The following TBR1 variants were observed in gnomAD, a reference collection of about 807,000 sequenced individuals.
The protein encoded by TBR1 is T-box brain protein 1.
TBR1 carries 7 observed loss-of-function variants against 60.3 expected under a neutral mutation model. That is an observed-to-expected ratio of 0.12 (90% CI 0.07 to 0.22). The LOEUF (loss-of-function observed/expected upper bound fraction) is 0.22. Among genes scored for constraint, TBR1 ranks in the 10% least tolerant of loss-of-function variants. TBR1 has a pLI of 1.00. For synonymous variants in TBR1, 417 were observed against 409.9 expected, an observed-to-expected ratio of 1.02 and a Z score of -0.21; for missense variants, 616 against 936.8, an observed-to-expected ratio of 0.66 and a Z score of 4.47.
intron 5 of TBR1, chr2:161,423,098 G>A (rs765734821): frequency 2.2e-5 from 8 of 355,640 alleles, no homozygotes; most frequent in Non-Finnish European, 4.0e-5. Flanking sequence ...GAGAGCAAGA[G>A]AAGAGGGAAG....
Position 161,423,941 on chromosome 2 carries a change from G to A in TBR1, c.1763G>A (p.Gly588Asp). The A allele has an allele frequency of 6.5e-7, 1 of 1,543,992 alleles. No individual in the cohort carries two copies. The highest frequency in any genetic ancestry group is 8.7e-7 in the Non-Finnish European group (1 of 1,144,008). The change falls in exon 6 of 6, where the codon GGC becomes GAC. Residue 588 changes from glycine to aspartate, a missense_variant. Physicochemically the swap from Gly to Asp is moderately conservative, Grantham distance 94. This residue lies in a region of TBR1 where 210 missense variants were observed against 297.4 expected (regional missense o/e 0.71). Transcript: ENST00000389554. ...ANPYLGEEAEGLAAERSPLPP... is the reference protein window; with the variant it reads ...ANPYLGEEAEDLAAERSPLPP... ...CCCTACCTGGGCGAGGAGGCCGAGG[G>A]CCTGGCCGCCGAGCGCTCGCCGCTG...
At position 161,417,529 on chromosome 2, in the gene TBR1, C is replaced by A. The variant is rs1684143189; in HGVS notation, c.693-147C>A. ...TTGCACTTCTTTTCTTCTCCCACCA[C>A]CCTTTTTCTAATCCAGCAAATATTC... On this transcript the variant is annotated intron_variant, in intron 1 of 5. Coordinates refer to ENST00000389554, the MANE Select transcript of TBR1 (RefSeq NM_006593.4). The surrounding 1 kb of genome is among the most constrained non-coding windows in gnomAD (Gnocchi z 5.3). The A allele has an allele frequency of 2.8e-6, 3 of 1,076,026 alleles. No homozygotes were observed. The East Asian group carries it at 7.3e-5, about 26-fold the overall frequency. 66.7% of individuals were successfully genotyped at this position (1,076,026 alleles called of 1,614,324 possible).
intron 5 of TBR1, 28 bp from the exon 6 acceptor site, chr2:161,423,339 GCT>G (rs139857158): frequency 0.016 from 13,797 of 872,456 alleles, 1 homozygote; most frequent in South Asian, 0.025. Context: ...CCACCCCTCG[GCT>G]CTCTCTCTCT....
In TBR1 at chr2:161,423,892, G is replaced by A. The variant is rs1398590813; in HGVS notation, c.1714G>A (p.Ala572Thr). Residue 572 changes from alanine to threonine, a missense_variant, in exon 6 of 6, where the codon GCC becomes ACC. Ala to Thr is a moderately conservative substitution (Grantham distance 58, BLOSUM62 0). Coordinates refer to ENST00000389554, the MANE Select transcript of TBR1 (RefSeq NM_006593.4). ...CTGCTGGCCCAACAGCGCCGCGGCC[G>A]CCGCGCGCATGGCCGGCGCCAATCC... is the stretch of plus-strand genomic sequence containing the variant. ...LPCWPNSAAA[A>T]ARMAGANPYL... 3 of 1,368,096 alleles carry A rather than the reference G, an allele frequency of 2.2e-6. No individual in the cohort carries two copies. Among genetic ancestry groups the A allele is most frequent in the South Asian group, 1.9e-5 (1 of 51,728 alleles). The allele number at this position is 1,368,096 out of a possible 1,614,324, so 84.7% of individuals were successfully genotyped here. A position where few individuals can be genotyped will look rare whatever the true frequency, so the allele number is the denominator to read the frequency against.
rs1391950659 is a variant in TBR1 at position 161,417,439 on chromosome 2, C to A, written c.693-237C>A. 1.0e-5 allele frequency: 6 copies of A among 590,530 alleles called. No homozygotes were observed. Among genetic ancestry groups the A allele is most frequent in the Non-Finnish European group, 1.7e-5 (6 of 343,400 alleles). 36.6% of individuals were successfully genotyped at this position (590,530 alleles called of 1,614,324 possible). ...AGACGCAGGTCGCCAACCTCGCTCTCCACCTGGGCAGTGATAACTGCCACC... is the reference window on the plus strand; with the variant it reads ...AGACGCAGGTCGCCAACCTCGCTCTACACCTGGGCAGTGATAACTGCCACC... On this transcript the variant is annotated intron_variant, in intron 1 of 5. Transcript: ENST00000389554. This position sits in a 1 kb window ranked among gnomAD's most constrained non-coding sequence, Gnocchi z 5.3.
Position 161,423,657 on chromosome 2 carries a change from G to A in TBR1, c.1479G>A (p.Leu493=). Residue 493 remains leucine (L), a synonymous_variant, in exon 6 of 6, where the codon CTG becomes CTA. Coordinates refer to ENST00000389554, the MANE Select transcript of TBR1 (RefSeq NM_006593.4). ...RWFVTPANNR[L]DFAASAYDTA... ...TTGTGACGCCGGCCAACAACCGGCT[G>A]GACTTCGCGGCCTCGGCCTATGACA... The A allele has an allele frequency of 6.5e-7, 1 of 1,544,498 alleles. No homozygotes were observed.
Position 161,418,322 on chromosome 2 carries a change from G to A in TBR1, c.969G>A (p.Gln323=). The change falls in exon 3 of 6, where the codon CAG becomes CAA. Residue 323 remains glutamine, a splice_region_variant and synonymous_variant. Coordinates refer to ENST00000389554, the MANE Select transcript of TBR1 (RefSeq NM_006593.4). ...NNKGASNNNG[Q]MVVLQSLHKY... is the part of the protein sequence containing the mutation. ...AAGGAGCTTCAAATAACAATGGGCA[G>A]GTCAGTGGCTCAAGCGCTCGTGTTT... 6.2e-7 allele frequency: 1 copy of A among 1,612,568 alleles called. No individual in the cohort carries two copies. Among genetic ancestry groups the A allele is most frequent in the Non-Finnish European group, 8.5e-7 (1 of 1,179,364 alleles).
intron 3 of TBR1, 112 bp downstream of exon 3, chr2:161,418,434 T>G: frequency 7.3e-7 from 1 of 1,366,814 alleles, no homozygotes; most frequent in Non-Finnish European, 9.8e-7. Context: ...CTTTGCTTCA[T>G]TAAAAAGACT....
intron 4 of TBR1, 65 bp from the exon 5 acceptor site, chr2:161,420,131 T>A: frequency 7.1e-7 from 1 of 1,409,346 alleles, no homozygotes; most frequent in Non-Finnish European, 9.9e-7. Flanking sequence ...GCAGATGATA[T>A]ATTCTCAAAC....
At chr2:161,420,055 C>G in intron 4 of TBR1, 141 bp from the exon 5 acceptor site, 2 of 526,028 alleles carry the variant, frequency 3.8e-6, no homozygotes, top group Non-Finnish European at 6.5e-6. Context: ...CTCAATCCCT[C>G]AAATTTTTCA....
In TBR1 at chr2:161,416,324, A is replaced by G. The variant is rs575461166; in HGVS notation, c.-87A>G. Reference sequence around the variant, plus strand: ...TTGCTGGTTGAAGTGCTTTCTGTCTAGTGAGGGGGTCTGTGGATTTCTAGT... The same window carrying G: ...TTGCTGGTTGAAGTGCTTTCTGTCTGGTGAGGGGGTCTGTGGATTTCTAGT... On this transcript the variant is annotated 5_prime_UTR_variant, in exon 1 of 6. Coordinates refer to ENST00000389554, the MANE Select transcript of TBR1 (RefSeq NM_006593.4). The surrounding 1 kb of genome is among the most constrained non-coding windows in gnomAD (Gnocchi z 6.1). 52 of 1,081,232 alleles carry G rather than the reference A, an allele frequency of 4.8e-5. No homozygotes were observed. The African/African-American group carries it at 7.3e-4, about 15-fold the overall frequency. The allele number at this position is 1,081,232 out of a possible 1,614,324, so 67.0% of individuals were successfully genotyped here. A position where few individuals can be genotyped will look rare whatever the true frequency, so the allele number is the denominator to read the frequency against.
intron 4 of TBR1, chr2:161,419,636 G>A (rs1684195558): frequency 6.6e-6 from 1 of 152,500 alleles, no homozygotes; most frequent in Non-Finnish European, 1.5e-5. Context: ...TTTCAAGTTT[G>A]CAAAAACAGA....
At position 161,416,641 on chromosome 2, in the gene TBR1, C is replaced by A. The variant is rs1277497351; in HGVS notation, c.231C>A (p.Asp77Glu). ...CTGACTCCAAGGACTCACCAGGGGA[C>A]GTCCAGAGAAGTAAACTCTCTCCTG... Reference protein sequence around the residue: ...NFPDSKDSPGDVQRSKLSPVL... With the variant: ...NFPDSKDSPGEVQRSKLSPVL... The change falls in exon 1 of 6, where the codon GAC becomes GAA. Residue 77 changes from aspartate (D) to glutamate (E), a missense_variant. Around this residue, in one of 8 missense-constraint regions of TBR1, gnomAD observed 211 missense variants for 268.7 expected, o/e 0.79. Coordinates refer to ENST00000389554, the MANE Select transcript of TBR1 (RefSeq NM_006593.4). This position sits in a 1 kb window ranked among gnomAD's most constrained non-coding sequence, Gnocchi z 6.1. 3.7e-6 allele frequency: 6 copies of A among 1,614,078 alleles called. No individual in the cohort carries two copies. The highest frequency in any genetic ancestry group is 5.1e-6 in the Non-Finnish European group (6 of 1,180,050).
chr2:161,418,880 C>A lies in TBR1; in HGVS notation c.970-12C>A. The A allele has an allele frequency of 6.2e-7, 1 of 1,604,146 alleles. No individual in the cohort carries two copies. Among genetic ancestry groups the A allele is most frequent in the East Asian group, 2.3e-5 (1 of 43,826 alleles). ...ACGCCACCCGGCGCTCCCCTTTCTT[C>A]CCGCCGGACAGATGGTGGTTTTACA... On this transcript the variant is annotated splice_polypyrimidine_tract_variant and intron_variant, in intron 3 of 5. Transcript: ENST00000389554.
intron 4 of TBR1, 163 bp downstream of exon 4, chr2:161,419,213 G>A: frequency 1.0e-6 from 1 of 1,004,524 alleles, no homozygotes. Flanking sequence ...CCTGCCCACG[G>A]CACCTTTCCT....
Position 161,423,887 on chromosome 2 carries a change from C to T in TBR1, c.1709C>T (p.Ala570Val), listed in dbSNP as rs762334378. The T allele has an allele frequency of 1.5e-4, 202 of 1,371,110 alleles. No individual in the cohort carries two copies. The highest frequency in any genetic ancestry group is 1.8e-4 in the Non-Finnish European group (195 of 1,065,928). The allele number at this position is 1,371,110 out of a possible 1,614,324, so 84.9% of individuals were successfully genotyped here. ...CTGCCCTGCTGGCCCAACAGCGCCG[C>T]GGCCGCCGCGCGCATGGCCGGCGCC... ...SVLPCWPNSA[A>V]AAARMAGANP... The change falls in exon 6 of 6, where the codon GCG (alanine) becomes GTG (valine). Residue 570 changes from alanine to valine, a missense_variant. Physicochemically the swap from Ala to Val is moderately conservative, Grantham distance 64. Transcript: ENST00000389554.
chr2:161,420,415 C>A, intron 5 of TBR1, 158 bp downstream of exon 5: 10 of 188,518 alleles, frequency 5.3e-5, no homozygotes, highest in Admixed American at 1.5e-4. Context: ...TCTTCTTCCT[C>A]TTCTTTTTTT....
rs192938728 is a variant in TBR1, at chr2:161,424,550, A to G, written c.*323A>G. On this transcript the variant is annotated 3_prime_UTR_variant, in exon 6 of 6. Transcript: ENST00000389554. The surrounding 1 kb of genome is among the most constrained non-coding windows in gnomAD (Gnocchi z 4.4). ...CTTACCTCCTACTTCTCTTTCTTGT[A>G]ATGAAACTCTTCACCTTTAGGAGAC... 483 of 273,484 alleles carry G rather than the reference A, an allele frequency of 1.8e-3. 3 individuals carry two copies. The highest frequency in any genetic ancestry group is 3.0e-3 in the Non-Finnish European group (437 of 143,566). The allele number at this position is 273,484 out of a possible 1,614,324, so 16.9% of individuals were successfully genotyped here.
At chr2:161,418,177 T>C (rs1269811384) in intron 2 of TBR1, 24 bp from the exon 3 acceptor site, 1 of 1,606,242 alleles carries the variant, frequency 6.2e-7, no homozygotes, top group Admixed American at 1.7e-5. Flanking sequence ...GGGGCATATG[T>C]AAACAATGTA....
Sources: gnomAD v4.1 joint callset for allele counts on GRCh38, gnomAD v4.1.1 for gene constraint, gnomAD v4.1.1 regional missense constraint, Gnocchi (gnomAD v3.1) non-coding constraint, MANE v1.5 for transcripts, NCBI Gene and HGNC (gene_info 2026-07-23, HGNC 2026-07-21) for gene names.